Variants in CFAP77 observed in about 807,000 individuals in gnomAD.
CFAP77 encodes the protein cilia- and flagella-associated protein 77.
CFAP77 carries 25 observed loss-of-function variants against 31.1 expected under a neutral mutation model. That is an observed-to-expected ratio of 0.80 (90% CI 0.59 to 1.12). CFAP77 has a LOEUF of 1.12. CFAP77 is among the 50% of genes most tolerant of loss of function. The pLI, the probability that CFAP77 is intolerant of heterozygous loss-of-function variation, is 0.00. For synonymous variants in CFAP77, 151 were observed against 159.9 expected (o/e 0.94, Z 0.42); for missense variants, 377 against 397.3 (o/e 0.95, Z 0.44).
At chr9:132,562,282 A>G (rs1479443651) in intron 5 of CFAP77, among the ~76,000 whole-genome samples, 1 of 152,206 alleles carries the variant, frequency 6.6e-6, no homozygotes, top group Non-Finnish European at 1.5e-5. Flanking sequence ...TATGAAAAAG[A>G]GGAAAAGGCA....
chr9:132,558,039 G>A (rs961819811), intron 5 of CFAP77, among the ~76,000 whole-genome samples: 1 of 152,174 alleles, frequency 6.6e-6, no homozygotes, highest in African/African-American at 2.4e-5. Flanking sequence ...CACCTGCCTA[G>A]GTTCAGCCTT....
intron 5 of CFAP77, among the ~76,000 whole-genome samples, chr9:132,549,730 C>T (rs947120155): frequency 6.6e-6 from 1 of 152,180 alleles, no homozygotes; most frequent in African/African-American, 2.4e-5. Flanking sequence ...CACAGCTACT[C>T]GGTGGGGCTG....
intron 1 of CFAP77, among the ~76,000 whole-genome samples, chr9:132,422,166 G>A (rs1850227448): frequency 1.3e-5 from 2 of 152,184 alleles, no homozygotes; most frequent in African/African-American, 2.4e-5. Flanking sequence ...ACACGACCAT[G>A]CCCAGATAAT....
chr9:132,444,961 A>G (rs1476686342), intron 1 of CFAP77, among the ~76,000 whole-genome samples: 1 of 136,724 alleles, frequency 7.3e-6, no homozygotes, highest in East Asian at 2.2e-4. Flanking sequence ...ACACTGTCCT[A>G]TTTTCTTTCT....
In CFAP77 at chr9:132,499,540, G is replaced by A. The variant is rs61741437; in HGVS notation, c.464G>A (p.Arg155Gln). 1.6e-3 allele frequency: 2,597 copies of A among 1,614,194 alleles called. 34 individuals are homozygous for A. The African/African-American group carries it at 0.026, about 16-fold the overall frequency. ...ATCCGCATCAGTGACCAGGATGACC[G>A]GCGCATGAAGAAAGAGCCGCCCCCT... is the stretch of plus-strand genomic sequence containing the variant. ...NDIRISDQDD[R>Q]RMKKEPPPLP... Residue 155 changes from arginine (R) to glutamine (Q), a missense_variant, in exon 3 of 6, where the codon CGG (arginine) becomes CAG (glutamine). Arg to Gln is a conservative substitution (Grantham distance 43, BLOSUM62 1). Coordinates refer to ENST00000393216, the MANE Select transcript of CFAP77 (RefSeq NM_001282957.2). The surrounding 1 kb of genome is among the most constrained non-coding windows in gnomAD (Gnocchi z 5.4).
intron 1 of CFAP77, among the ~76,000 whole-genome samples, chr9:132,416,635 A>C (rs1289423322): frequency 1.6e-5 from 2 of 127,642 alleles, no homozygotes; most frequent in African/African-American, 6.2e-5. Flanking sequence ...GAACCACCAC[A>C]CTGGGCTTTT....
At chr9:132,551,940 G>A (rs1324396501) in intron 5 of CFAP77, among the ~76,000 whole-genome samples, 1 of 152,178 alleles carries the variant, frequency 6.6e-6, no homozygotes, top group African/African-American at 2.4e-5. Flanking sequence ...GGCCTGCTCC[G>A]GCTGATTTAA....
intron 1 of CFAP77, among the ~76,000 whole-genome samples, chr9:132,422,155 C>T (rs1265611956): frequency 6.6e-6 from 1 of 152,214 alleles, no homozygotes; most frequent in African/African-American, 2.4e-5. Flanking sequence ...ATTACAGGCT[C>T]ACACGACCAT....
At chr9:132,476,912 A>G (rs1158116405) in intron 1 of CFAP77, among the ~76,000 whole-genome samples, 1 of 152,122 alleles carries the variant, frequency 6.6e-6, no homozygotes, top group Admixed American at 6.5e-5. Context: ...TCAGCCACCA[A>G]GGTGGTGGCG....
chr9:132,570,404 A>G (rs767315417), intron 5 of CFAP77, among the ~76,000 whole-genome samples: 17 of 152,200 alleles, frequency 1.1e-4, no homozygotes, highest in African/African-American at 2.4e-4. Flanking sequence ...AAGAGCCCCA[A>G]TGCGATTCTG....
At chr9:132,434,611 C>A (rs925140699) in intron 1 of CFAP77, among the ~76,000 whole-genome samples, 1 of 152,114 alleles carries the variant, frequency 6.6e-6, no homozygotes, top group Non-Finnish European at 1.5e-5. Flanking sequence ...GTGGGTGGAA[C>A]CTATGAATCT....
At chr9:132,427,424 A>G (rs901858377) in intron 1 of CFAP77, among the ~76,000 whole-genome samples, 1 of 152,080 alleles carries the variant, frequency 6.6e-6, no homozygotes, top group African/African-American at 2.4e-5. Flanking sequence ...TGCCCTCTGT[A>G]TTAGGGCTGC....
chr9:132,561,663 C>CA (rs1564253366), intron 5 of CFAP77, among the ~76,000 whole-genome samples: 1,254 of 50,720 alleles, frequency 0.025, 48 homozygotes, highest in African/African-American at 0.047. Context: ...ACACACACAC[C>CA]CCCTCCATGT....
intron 3 of CFAP77, among the ~76,000 whole-genome samples, chr9:132,512,279 T>A (rs1294003296): frequency 1.3e-5 from 2 of 152,188 alleles, no homozygotes; most frequent in Non-Finnish European, 2.9e-5. Flanking sequence ...TCCTCTTCTG[T>A]CTCTTACAAA....
chr9:132,547,691 C>T (rs1048498759), intron 5 of CFAP77, among the ~76,000 whole-genome samples: 8 of 152,290 alleles, frequency 5.3e-5, no homozygotes, highest in African/African-American at 1.7e-4. Flanking sequence ...CCTAGGTGTC[C>T]TCAGGTGTCC....
At chr9:132,530,151 T>C (rs1161526292) in intron 3 of CFAP77, among the ~76,000 whole-genome samples, 3 of 149,056 alleles carry the variant, frequency 2.0e-5, no homozygotes, top group African/African-American at 7.4e-5. Flanking sequence ...TTTTTTTTTT[T>C]TTTTTTGGTT....
intron 1 of CFAP77, among the ~76,000 whole-genome samples, chr9:132,438,537 A>ATTTTT (rs1181262639): frequency 0.01 from 1,207 of 115,940 alleles, 20 homozygotes; most frequent in Middle Eastern, 0.016. Context: ...ATATATATAT[A>ATTTTT]TATATTTTTT....
At chr9:132,571,854 C>CAGATTCAAAA in intron 5 of CFAP77, among the ~76,000 whole-genome samples, 1 of 151,104 alleles carries the variant, frequency 6.6e-6, no homozygotes, top group Admixed American at 6.6e-5. Flanking sequence ...ACTGAAGAGG[C>CAGATTCAAAA]TCCCACTCTT....
At chr9:132,553,068 A>C (rs1852845413) in intron 5 of CFAP77, among the ~76,000 whole-genome samples, 1 of 152,212 alleles carries the variant, frequency 6.6e-6, no homozygotes, top group Non-Finnish European at 1.5e-5. Context: ...GTCCAAGGTC[A>C]GGGTGCCAGC....
Sources: gnomAD v4.1 joint callset for allele counts (sites outside exome capture counted in the v4.1 genomes callset) on GRCh38, gnomAD v4.1.1 for gene constraint, Gnocchi (gnomAD v3.1) non-coding constraint, MANE v1.5 for transcripts, NCBI Gene and HGNC (gene_info 2026-07-23, HGNC 2026-07-21) for gene names.